SP8: variants seen among roughly 807,000 people sequenced by gnomAD.
The protein encoded by SP8 is transcription factor Sp8.
Under a neutral mutation model 15.3 loss-of-function variants are expected in SP8, and 7 were observed. The observed-to-expected ratio is 0.46, with a 90% confidence interval of 0.26 to 0.86. The LOEUF (loss-of-function observed/expected upper bound fraction) is 0.86, where lower values mean the gene tolerates loss of function less well. SP8 is among the 40% of genes least tolerant of loss of function. SP8 has a pLI of 0.16. For missense variants in SP8, 731 were observed against 736.4 expected (o/e 0.99, Z 0.09); for synonymous variants, 415 against 356.3 (o/e 1.16, Z -1.86).
chr7:20,785,650 G>C lies in SP8; in HGVS notation c.167C>G (p.Ser56Cys). Residue 56 changes from serine to cysteine, a missense_variant, in exon 2 of 2, where the codon TCC (serine) becomes TGC (cysteine). This residue lies in a region of SP8 where 586 missense variants were observed against 524.9 expected (regional missense o/e 1.12). Coordinates refer to ENST00000418710, the MANE Select transcript of SP8 (RefSeq NM_182700.6). The surrounding 1 kb of genome is among the most constrained non-coding windows in gnomAD (Gnocchi z 7.2). ...KGFHPWKRSSSSSSASCNVVG... is the reference protein window; with the variant it reads ...KGFHPWKRSSCSSSASCNVVG... ...TACGTTGCAGCTGGCGGAAGAAGAG[G>C]ACGAGGAGCGTTTCCAGGGGTGGAA... 1.2e-6 allele frequency: 2 copies of C among 1,613,910 alleles called. No homozygotes were observed. Among genetic ancestry groups the C allele is most frequent in the Non-Finnish European group, 1.7e-6 (2 of 1,179,978 alleles).
Position 20,785,086 on chromosome 7 carries a change from G to T in SP8, c.731C>A (p.Ala244Glu), listed in dbSNP as rs545093306. The change falls in exon 2 of 2, where the codon GCG becomes GAG. Residue 244 changes from alanine (A) to glutamate (E), a missense_variant. Transcript: ENST00000418710. This position sits in a 1 kb window ranked among gnomAD's most constrained non-coding sequence, Gnocchi z 7.2. ...GTGCAGCGAGCCGGGCAGCGCAGCC[G>T]CGCTGTTCGGGTTCTGCACGTCGAT... ...GWIDVQNPNSAAALPGSLHPA... is the reference protein window; with the variant it reads ...GWIDVQNPNSEAALPGSLHPA... 2 of 1,583,692 alleles carry T rather than the reference G, an allele frequency of 1.3e-6. No homozygotes were observed. The highest frequency in any genetic ancestry group is 1.7e-5 in the Admixed American group (1 of 58,732).
chr7:20,783,629 G>A lies in SP8; in HGVS notation c.*661C>T, dbSNP rs1783563810. ...AGAAAAAGAGGCAGACTGACATTGG[G>A]AGATCTAAACTCTACAAACTCTGGG... On this transcript the variant is annotated 3_prime_UTR_variant, in exon 2 of 2. Transcript: ENST00000418710. 1 of 149,166 alleles carries A rather than the reference G, an allele frequency of 6.7e-6. No homozygotes were observed. Among genetic ancestry groups the A allele is most frequent in the South Asian group, 2.2e-4 (1 of 4,598 alleles). The allele number at this position is 149,166 out of a possible 1,614,324, so 9.2% of individuals were successfully genotyped here.
chr7:20,784,772 T>A lies in SP8; in HGVS notation c.1045A>T (p.Thr349Ser). ...TCCTGGCAGTTGGGGCAGTCGCAGG[T>A]GGCGCGGCCGGAGTAGCGGCGAGCT... ...SSARRYSGRA[T>S]CDCPNCQEAE... Residue 349 changes from threonine (T) to serine (S), a missense_variant, in exon 2 of 2, where the codon ACC becomes TCC. Thr to Ser is a moderately conservative substitution (Grantham distance 58, BLOSUM62 1). Coordinates refer to ENST00000418710, the MANE Select transcript of SP8 (RefSeq NM_182700.6). 6.4e-7 allele frequency: 1 copy of A among 1,556,078 alleles called. No homozygotes were observed. Among genetic ancestry groups the A allele is most frequent in the African/African-American group, 1.4e-5 (1 of 72,546 alleles).
Position 20,784,839 on chromosome 7 carries a change from G to A in SP8, c.978C>T (p.Ser326=), listed in dbSNP as rs974619329. Residue 326 remains serine, a synonymous_variant, in exon 2 of 2, where the codon AGC becomes AGT. Transcript: ENST00000418710. ...CCCCCAGCGGCGCCGAAGGCCCAGC[G>A]CTCAACATGGAGCCCCCCGCGCCGG... is the stretch of plus-strand genomic sequence containing the variant. The part of the protein sequence containing the change: ...PLAGAGGSML[S]AGPSAPLGGS... 6.6e-6 allele frequency: 10 copies of A among 1,525,452 alleles called. No individual in the cohort carries two copies. The East Asian group carries it at 1.3e-4, about 19-fold the overall frequency. The allele number at this position is 1,525,452 out of a possible 1,614,324, so 94.5% of individuals were successfully genotyped here. A position where few individuals can be genotyped will look rare whatever the true frequency, so the allele number is the denominator to read the frequency against.
chr7:20,785,228 C>A lies in SP8; in HGVS notation c.589G>T (p.Val197Leu). 1 of 1,598,810 alleles carries A rather than the reference C, an allele frequency of 6.3e-7. No individual in the cohort carries two copies. Among genetic ancestry groups the A allele is most frequent in the Non-Finnish European group, 8.5e-7 (1 of 1,174,360 alleles). ...GACTCGTACGGGTGCGCCATGCCCA[C>A]CCGCGGGTAGATGCCCTGCAGCCCG... is the stretch of plus-strand genomic sequence containing the variant. ...VDGLQGIYPRVGMAHPYESWF... is the reference protein window; with the variant it reads ...VDGLQGIYPRLGMAHPYESWF... The change falls in exon 2 of 2, where the codon GTG becomes TTG. Residue 197 changes from valine (V) to leucine (L), a missense_variant. By Grantham distance (32) the Val-to-Leu change is conservative. This residue lies in a region of SP8 where 586 missense variants were observed against 524.9 expected (regional missense o/e 1.12). Transcript: ENST00000418710. This position sits in a 1 kb window ranked among gnomAD's most constrained non-coding sequence, Gnocchi z 7.2.
rs1176317075 is a variant in SP8 at position 20,786,625 on chromosome 7, T to G, written c.21+153A>C. Among the ~76,000 whole-genome samples the G allele has an allele frequency of 1.3e-5, 2 of 151,892 alleles. No individual in the cohort carries two copies. The highest frequency in any genetic ancestry group is 1.3e-4 in the Admixed American group (2 of 15,264). On this transcript the variant is annotated intron_variant, in intron 1 of 1. Transcript: ENST00000418710. The surrounding 1 kb of genome is among the most constrained non-coding windows in gnomAD (Gnocchi z 4.4). The stretch of plus-strand genomic sequence containing the variant: ...TCTGCCCCCTTCTCCCCCTTTTTCT[T>G]TTCTCCAAACTCACTTGTATTTAAA...
chr7:20,784,452 C>T lies in SP8; in HGVS notation c.1365G>A (p.Thr455=), dbSNP rs1297485590. The change falls in exon 2 of 2, where the codon ACG becomes ACA. Residue 455 remains threonine, a synonymous_variant. Coordinates refer to ENST00000418710, the MANE Select transcript of SP8 (RefSeq NM_182700.6). ...RSDHLSKHVK[T]HSGGGGGGGS... ...CGCCGCCGCCGCCGCCGCCACTGTG[C>T]GTCTTCACGTGCTTGCTGAGGTGGT... The T allele has an allele frequency of 6.5e-7, 1 of 1,543,330 alleles. No homozygotes were observed. Among genetic ancestry groups the T allele is most frequent in the East Asian group, 2.5e-5 (1 of 40,638 alleles).
In SP8 at chr7:20,784,048, G is replaced by A. The variant is rs1783581124; in HGVS notation, c.*242C>T. 1.3e-5 allele frequency: 6 copies of A among 451,936 alleles called. No individual in the cohort carries two copies. The South Asian group carries it at 2.0e-4, about 15-fold the overall frequency. The allele number at this position is 451,936 out of a possible 1,614,324, so 28.0% of individuals were successfully genotyped here. On this transcript the variant is annotated 3_prime_UTR_variant, in exon 2 of 2. Coordinates refer to ENST00000418710, the MANE Select transcript of SP8 (RefSeq NM_182700.6). ...GCGGGTTCCGGCTGCAACGGGTTCA[G>A]GCAGCGTTACCCGTGGAAAGGGAAA...
chr7:20,782,731 G>A lies in SP8; in HGVS notation c.*1559C>T, dbSNP rs895459455. On this transcript the variant is annotated 3_prime_UTR_variant, in exon 2 of 2. Transcript: ENST00000418710. Reference sequence around the variant, plus strand: ...TTGATACCTATCTAAATTCATATTCGAGCAAAACTAGGCCCCGAAAGTGCG... The same window carrying A: ...TTGATACCTATCTAAATTCATATTCAAGCAAAACTAGGCCCCGAAAGTGCG... 2.0e-5 allele frequency: 3 copies of A among 152,294 alleles called. No homozygotes were observed. Among genetic ancestry groups the A allele is most frequent in the African/African-American group, 7.3e-5 (3 of 41,318 alleles). The allele number at this position is 152,294 out of a possible 1,614,324, so 9.4% of individuals were successfully genotyped here. A position where few individuals can be genotyped will look rare whatever the true frequency, so the allele number is the denominator to read the frequency against.
rs1385753697 is a variant in SP8, at chr7:20,783,135, C to T, written c.*1155G>A. 6.6e-6 allele frequency: 1 copy of T among 152,344 alleles called. No homozygotes were observed. The highest frequency in any genetic ancestry group is 1.5e-5 in the Non-Finnish European group (1 of 68,020). The allele number at this position is 152,344 out of a possible 1,614,324, so 9.4% of individuals were successfully genotyped here. ...TTCACTTGTTTGTAAGTTTAAATCA[C>T]ACACAAAAAAGTTTAACCCTACGAT... is the stretch of plus-strand genomic sequence containing the variant. On this transcript the variant is annotated 3_prime_UTR_variant, in exon 2 of 2. Coordinates refer to ENST00000418710, the MANE Select transcript of SP8 (RefSeq NM_182700.6).
At position 20,785,445 on chromosome 7, in the gene SP8, T is replaced by G. The variant is rs902256887; in HGVS notation, c.372A>C (p.Ala124=). 7.6e-5 allele frequency: 88 copies of G among 1,155,574 alleles called. No individual in the cohort carries two copies. Among genetic ancestry groups the G allele is most frequent in the Admixed American group, 6.4e-4 (19 of 29,574 alleles). The allele number at this position is 1,155,574 out of a possible 1,614,324, so 71.6% of individuals were successfully genotyped here. ...CGGCTGCGGCGGCGGCGGCGGCGGC[T>G]GCGGCGCTGCTGGAGGTGAGGGAGA... ...SAFSLTSSSA[A]AAAAAAAAAA... is the part of the protein sequence containing the mutation. The change falls in exon 2 of 2, where the codon GCA becomes GCC. Residue 124 remains alanine (A), a synonymous_variant. Coordinates refer to ENST00000418710, the MANE Select transcript of SP8 (RefSeq NM_182700.6). This position sits in a 1 kb window ranked among gnomAD's most constrained non-coding sequence, Gnocchi z 7.2.
In SP8 at chr7:20,786,761, A is replaced by G. The variant is rs1376890736; in HGVS notation, c.21+17T>C. On this transcript the variant is annotated intron_variant, in intron 1 of 1. Coordinates refer to ENST00000418710, the MANE Select transcript of SP8 (RefSeq NM_182700.6). This position sits in a 1 kb window ranked among gnomAD's most constrained non-coding sequence, Gnocchi z 4.4. Reference sequence around the variant, plus strand: ...AGGAAACTAATTAAACCAGCAAGAGAAAATCCTGAGACTCACCCCTAGAAG... The same window carrying G: ...AGGAAACTAATTAAACCAGCAAGAGGAAATCCTGAGACTCACCCCTAGAAG... 1.2e-6 allele frequency: 2 copies of G among 1,613,280 alleles called. No homozygotes were observed. The highest frequency in any genetic ancestry group is 1.7e-6 in the Non-Finnish European group (2 of 1,179,326).
chr7:20,784,044 TTCAGGCAG>T lies in SP8; in HGVS notation c.*238_*245del. 4.5e-6 allele frequency: 2 copies of T among 444,588 alleles called. No homozygotes were observed. The highest frequency in any genetic ancestry group is 7.7e-6 in the Non-Finnish European group (2 of 260,064). 27.5% of individuals were successfully genotyped at this position (444,588 alleles called of 1,614,324 possible). A position where few individuals can be genotyped will look rare whatever the true frequency, so the allele number is the denominator to read the frequency against. ...AGGCGCGGGTTCCGGCTGCAACGGGTTCAGGCAGCGTTACCCGTGGAAAGGGAAAGCCA... is the reference window on the plus strand; with the variant it reads ...AGGCGCGGGTTCCGGCTGCAACGGGTCGTTACCCGTGGAAAGGGAAAGCCA... On this transcript the variant is annotated 3_prime_UTR_variant, in exon 2 of 2. Transcript: ENST00000418710.
Position 20,785,741 on chromosome 7 carries a change from T to C in SP8, c.76A>G (p.Lys26Glu). 4.3e-6 allele frequency: 7 copies of C among 1,613,430 alleles called. No homozygotes were observed. The highest frequency in any genetic ancestry group is 5.9e-6 in the Non-Finnish European group (7 of 1,179,898). ...PLAMLAATCNKIGSPSPSPSS... is the reference protein window; with the variant it reads ...PLAMLAATCNEIGSPSPSPSS... ...GGAGACGGGCTGGGGCTGCCTATCT[T>C]ATTACAGGTAGCGGCAAGCATGGCC... Residue 26 changes from lysine to glutamate, a missense_variant, in exon 2 of 2, where the codon AAG becomes GAG. By Grantham distance (56) the Lys-to-Glu change is moderately conservative. Coordinates refer to ENST00000418710, the MANE Select transcript of SP8 (RefSeq NM_182700.6). The surrounding 1 kb of genome is among the most constrained non-coding windows in gnomAD (Gnocchi z 7.2).
chr7:20,783,965 G>A lies in SP8; in HGVS notation c.*325C>T, dbSNP rs1317022069. The stretch of plus-strand genomic sequence containing the variant: ...TAAAAGTTACGCCCTTCACAACCTG[G>A]GGGGTGGAGGAGGGGAGGACAAGGA... On this transcript the variant is annotated 3_prime_UTR_variant, in exon 2 of 2. Transcript: ENST00000418710. 3 of 357,786 alleles carry A rather than the reference G, an allele frequency of 8.4e-6. No homozygotes were observed. Among genetic ancestry groups the A allele is most frequent in the Admixed American group, 9.8e-5 (2 of 20,458 alleles). The allele number at this position is 357,786 out of a possible 1,614,324, so 22.2% of individuals were successfully genotyped here. A position where few individuals can be genotyped will look rare whatever the true frequency, so the allele number is the denominator to read the frequency against.
Position 20,785,627 on chromosome 7 carries a change from C to T in SP8, c.190G>A (p.Val64Ile). Residue 64 changes from valine to isoleucine, a missense_variant, in exon 2 of 2, where the codon GTA (valine) becomes ATA (isoleucine). Val to Ile is a conservative substitution (Grantham distance 29, BLOSUM62 3). This residue lies in a region of SP8 where 586 missense variants were observed against 524.9 expected (regional missense o/e 1.12). Coordinates refer to ENST00000418710, the MANE Select transcript of SP8 (RefSeq NM_182700.6). This position sits in a 1 kb window ranked among gnomAD's most constrained non-coding sequence, Gnocchi z 7.2. ...AAGCTTGAGAGACTGGAACCCACTACGTTGCAGCTGGCGGAAGAAGAGGAC... is the reference window on the plus strand; with the variant it reads ...AAGCTTGAGAGACTGGAACCCACTATGTTGCAGCTGGCGGAAGAAGAGGAC... ...SSSSSSASCN[V>I]VGSSLSSFGV... The T allele has an allele frequency of 4.3e-6, 7 of 1,611,810 alleles. No individual in the cohort carries two copies. Among genetic ancestry groups the T allele is most frequent in the Non-Finnish European group, 5.9e-6 (7 of 1,178,788 alleles).
Position 20,785,467 on chromosome 7 carries a change from G to A in SP8, c.350C>T (p.Ser117Phe). 1 of 1,229,388 alleles carries A rather than the reference G, an allele frequency of 8.1e-7. No individual in the cohort carries two copies. The highest frequency in any genetic ancestry group is 1.7e-5 in the South Asian group (1 of 57,354). The allele number at this position is 1,229,388 out of a possible 1,614,324, so 76.2% of individuals were successfully genotyped here. ...CGGSPGSSAF[S>F]LTSSSAAAAA... ...GGCTGCGGCGCTGCTGGAGGTGAGG[G>A]AGAAGGCGCTGGAGCCAGGCGAGCC... Residue 117 changes from serine to phenylalanine, a missense_variant, in exon 2 of 2, where the codon TCC becomes TTC. Ser to Phe is a radical substitution (Grantham distance 155). Around this residue, in one of 3 missense-constraint regions of SP8, gnomAD observed 586 missense variants for 524.9 expected, o/e 1.12. Transcript: ENST00000418710. This position sits in a 1 kb window ranked among gnomAD's most constrained non-coding sequence, Gnocchi z 7.2.
Position 20,785,807 on chromosome 7 carries a change from AGAG to A in SP8, c.22-15_22-13del, listed in dbSNP as rs745748801. The A allele has an allele frequency of 3.4e-5, 49 of 1,424,008 alleles. No individual in the cohort carries two copies. The highest frequency in any genetic ancestry group is 7.1e-5 in the Admixed American group (4 of 55,974). 88.2% of individuals were successfully genotyped at this position (1,424,008 alleles called of 1,614,324 possible). ...AACCTCGGTTCTTCCTGCGAGGAGGAGAGGAGAAGGAGTGGGGGAGGGGAGGTG... is the reference window on the plus strand; with the variant it reads ...AACCTCGGTTCTTCCTGCGAGGAGGAGAGAAGGAGTGGGGGAGGGGAGGTG... On this transcript the variant is annotated splice_polypyrimidine_tract_variant and intron_variant, in intron 1 of 1. Transcript: ENST00000418710. The surrounding 1 kb of genome is among the most constrained non-coding windows in gnomAD (Gnocchi z 7.2).
In SP8 at chr7:20,785,416, G is replaced by T; in HGVS notation, c.401C>A (p.Ala134Asp). 8.0e-7 allele frequency: 1 copy of T among 1,253,814 alleles called. No individual in the cohort carries two copies. The highest frequency in any genetic ancestry group is 1.0e-6 in the Non-Finnish European group (1 of 985,456). The allele number at this position is 1,253,814 out of a possible 1,614,324, so 77.7% of individuals were successfully genotyped here. The change falls in exon 2 of 2, where the codon GCC (alanine) becomes GAC (aspartate). Residue 134 changes from alanine (A) to aspartate (D), a missense_variant. Around this residue, in one of 3 missense-constraint regions of SP8, gnomAD observed 586 missense variants for 524.9 expected, o/e 1.12. Coordinates refer to ENST00000418710, the MANE Select transcript of SP8 (RefSeq NM_182700.6). The surrounding 1 kb of genome is among the most constrained non-coding windows in gnomAD (Gnocchi z 7.2). ...AAAAAAAAAA[A>D]SSSPFANDYS... ...GTCGTTGGCGAAGGGCGAGCTGGAG[G>T]CGGCGGCTGCGGCGGCGGCGGCGGC...
Sources: gnomAD v4.1 joint callset for allele counts (sites outside exome capture counted in the v4.1 genomes callset) on GRCh38, gnomAD v4.1.1 for gene constraint, gnomAD v4.1.1 regional missense constraint, Gnocchi (gnomAD v3.1) non-coding constraint, MANE v1.5 for transcripts, NCBI Gene and HGNC (gene_info 2026-07-23, HGNC 2026-07-21) for gene names.